PLAAT3: variants seen among roughly 807,000 people sequenced by gnomAD.
PLAAT3 encodes phospholipase A and acyltransferase 3, also known as Ca-independent phospholipase A1/2.
PLAAT3 carries 21 observed loss-of-function variants against 16.7 expected under a neutral mutation model. That is an observed-to-expected ratio of 1.26 (90% confidence interval 0.89 to 1.81). The LOEUF (loss-of-function observed/expected upper bound fraction) is 1.81, where lower values mean the gene tolerates loss of function less well. Among genes scored for constraint, PLAAT3 ranks in the 40% most tolerant of loss-of-function variants. The probability of loss-of-function intolerance (pLI) is 0.00; values close to 1 mark genes in which losing one functional copy is unlikely to be tolerated. For missense variants in PLAAT3, 219 were observed against 213.7 expected, an observed-to-expected ratio of 1.02 and a Z score of -0.16; for synonymous variants, 76 against 81.7, an observed-to-expected ratio of 0.93 and a Z score of 0.38.
intron 4 of PLAAT3, among the ~76,000 whole-genome samples, chr11:63,586,194 C>T (rs774132888): frequency 1.3e-5 from 2 of 152,134 alleles, no homozygotes; most frequent in Non-Finnish European, 2.9e-5. Context: ...AGTACACTGG[C>T]GCAATCTTGG....
At chr11:63,591,867 G>A (rs180891516) in intron 3 of PLAAT3, among the ~76,000 whole-genome samples, 7 of 152,330 alleles carry the variant, frequency 4.6e-5, no homozygotes, top group East Asian at 1.9e-4. Flanking sequence ...GCAGGGACTC[G>A]GAAGAGGCAA....
intron 4 of PLAAT3, among the ~76,000 whole-genome samples, chr11:63,579,624 C>G (rs1421508933): frequency 6.8e-6 from 1 of 147,700 alleles, no homozygotes; most frequent in Non-Finnish European, 1.5e-5. Context: ...ATCACAAGGA[C>G]AAAAACCAAA....
intron 2 of PLAAT3, among the ~76,000 whole-genome samples, chr11:63,604,523 G>A (rs1411084399): frequency 6.6e-6 from 1 of 152,048 alleles, no homozygotes; most frequent in Admixed American, 6.6e-5. Flanking sequence ...AGCACTTTGG[G>A]AGGCCAAGGA....
chr11:63,604,249 G>A (rs904037838), intron 2 of PLAAT3, among the ~76,000 whole-genome samples: 3 of 152,148 alleles, frequency 2.0e-5, no homozygotes, highest in Non-Finnish European at 4.4e-5. Context: ...GCAACAGTGC[G>A]TGGTTGGGAT....
Position 63,590,459 on chromosome 11 carries a change from G to C in PLAAT3, c.119-91C>G. On this transcript the variant is annotated intron_variant, in intron 3 of 4. Coordinates refer to ENST00000415826, the MANE Select transcript of PLAAT3 (RefSeq NM_001128203.2). ...GCCCCCAGCCGGGCATCTGCCCTTG[G>C]CTCATCCACAAAGGATAAGCAACAA... 3 of 1,108,640 alleles carry C rather than the reference G, an allele frequency of 2.7e-6. No homozygotes were observed. The South Asian group carries it at 4.3e-5, about 16-fold the overall frequency. The allele number at this position is 1,108,640 out of a possible 1,614,324, so 68.7% of individuals were successfully genotyped here.
upstream of PLAAT3, among the ~76,000 whole-genome samples, chr11:63,615,984 T>C (rs949047764): frequency 3.3e-5 from 5 of 152,118 alleles, no homozygotes; most frequent in African/African-American, 1.2e-4. Context: ...ACTTTTTAAT[T>C]GACAAAAATT....
At chr11:63,614,222 G>A in intron 1 of PLAAT3, 154 bp from the exon 2 acceptor site, 1 of 638,274 alleles carries the variant, frequency 1.6e-6, no homozygotes, top group Non-Finnish European at 2.7e-6. Flanking sequence ...TCTCGCCGGG[G>A]CCCGGCGGGC....
In PLAAT3 at chr11:63,598,092, G is replaced by T. The variant is rs369058482; in HGVS notation, c.87C>A (p.Gly29=). The T allele has an allele frequency of 6.2e-7, 1 of 1,613,470 alleles. No homozygotes were observed. The highest frequency in any genetic ancestry group is 8.5e-7 in the Non-Finnish European group (1 of 1,179,414). ...PFYRHWAIYV[G]DGYVVHLAPP... ...GGGCCAGATGAACCACATATCCATC[G>T]CCAACATAGATGGCCCAGTGTCTGT... is the stretch of plus-strand genomic sequence containing the variant. The change falls in exon 3 of 5, where the codon GGC becomes GGA. Residue 29 remains glycine, a synonymous_variant. Coordinates refer to ENST00000415826, the MANE Select transcript of PLAAT3 (RefSeq NM_001128203.2).
intron 2 of PLAAT3, among the ~76,000 whole-genome samples, chr11:63,607,023 G>GA (rs1938585215): frequency 1.3e-5 from 2 of 152,210 alleles, no homozygotes. Flanking sequence ...CAACTGCAGA[G>GA]AGGGGGGATC....
chr11:63,601,395 A>ATTT (rs397937285), intron 2 of PLAAT3, among the ~76,000 whole-genome samples: 5 of 144,638 alleles, frequency 3.5e-5, no homozygotes, highest in Admixed American at 1.4e-4. Flanking sequence ...AAAAGCTGTA[A>ATTT]TTTTTTTTTT....
At chr11:63,590,001 C>T in intron 4 of PLAAT3, 99 bp downstream of exon 4, 5 of 1,057,410 alleles carry the variant, frequency 4.7e-6, no homozygotes, top group Non-Finnish European at 6.8e-6. Flanking sequence ...TCTGTCTCTG[C>T]TATTTTGTCT....
chr11:63,575,076 C>G (rs1222116553), intron 4 of PLAAT3, 30 bp from the exon 5 acceptor site: 1 of 1,440,140 alleles, frequency 6.9e-7, no homozygotes, highest in South Asian at 1.1e-5. Flanking sequence ...GGGTCACACT[C>G]TGTGTCAGGA....
upstream of PLAAT3, among the ~76,000 whole-genome samples, chr11:63,615,060 A>ATATGTGTGTG (rs1938805389): frequency 1.9e-4 from 2 of 10,488 alleles, no homozygotes; most frequent in African/African-American, 2.3e-4. Flanking sequence ...ATGTGTATAT[A>ATATGTGTGTG]TATGTGTGTA....
rs574964526 is a variant in PLAAT3, at chr11:63,592,890, A to G, written c.119-2522T>C. Among the ~76,000 whole-genome samples the G allele has an allele frequency of 5.9e-5, 9 of 152,368 alleles. No homozygotes were observed. In the South Asian group the frequency reaches 1.7e-3, roughly 28 times the overall value. On this transcript the variant is annotated intron_variant, in intron 3 of 4. Transcript: ENST00000415826. ...ACAGTTTTCTCAGCAGCAGAAGGTC[A>G]GTCCTCCTTGCCTCATCTATCCCAC...
chr11:63,612,679 T>C (rs187155143), intron 2 of PLAAT3, among the ~76,000 whole-genome samples: 232 of 152,374 alleles, frequency 1.5e-3, no homozygotes, highest in Non-Finnish European at 2.5e-3. Context: ...TCATCTCTGA[T>C]ACCATCCTAC....
chr11:63,591,351 C>T (rs558736580), intron 3 of PLAAT3, among the ~76,000 whole-genome samples: 6 of 152,152 alleles, frequency 3.9e-5, no homozygotes, highest in South Asian at 4.1e-4. Context: ...CGCTGCACTC[C>T]GACCTGGACA....
chr11:63,606,463 C>CACACACACACACACACACACA (rs1555046401), intron 2 of PLAAT3, among the ~76,000 whole-genome samples: 2 of 146,472 alleles, frequency 1.4e-5, no homozygotes, highest in African/African-American at 5.1e-5. Flanking sequence ...CACACACACA[C>CACACACACACACACACACACA]CTTAGTAAAT....
At chr11:63,581,277 T>C (rs888825392) in intron 4 of PLAAT3, among the ~76,000 whole-genome samples, 1 of 152,218 alleles carries the variant, frequency 6.6e-6, no homozygotes, top group Non-Finnish European at 1.5e-5. Flanking sequence ...GCCATATTTT[T>C]CTTCTTGCAG....
At chr11:63,577,968 G>A (rs1360020194) in intron 4 of PLAAT3, among the ~76,000 whole-genome samples, 1 of 151,954 alleles carries the variant, frequency 6.6e-6, no homozygotes, top group Non-Finnish European at 1.5e-5. Flanking sequence ...AGAAACCAAA[G>A]GGAAAAAAAT....
Sources: allele counts gnomAD v4.1 joint callset (sites outside exome capture counted in the v4.1 genomes callset), GRCh38; gene constraint gnomAD v4.1.1; transcripts MANE v1.5; gene names NCBI Gene and HGNC (gene_info 2026-07-23, HGNC 2026-07-21).